HNRNPH3: variants seen among roughly 807,000 people sequenced by gnomAD.
HNRNPH3 encodes the protein heterogeneous nuclear ribonucleoprotein H3, also known as heterogeneous nuclear ribonucleoprotein 2H9.
HNRNPH3 carries 7 observed loss-of-function variants against 47.0 expected under a neutral mutation model. The observed-to-expected ratio is 0.15, with a 90% CI of 0.08 to 0.28. HNRNPH3 has a LOEUF of 0.28. Among genes scored for constraint, HNRNPH3 ranks in the 10% least tolerant of loss-of-function variants. The pLI, the probability that HNRNPH3 is intolerant of heterozygous loss-of-function variation, is 1.00. For synonymous variants in HNRNPH3, 120 were observed against 143.2 expected (o/e 0.84, Z 1.16); for missense variants, 279 against 449.6 (o/e 0.62, Z 3.43).
At chr10:68,341,021 C>CT (rs2045896457) in intron 6 of HNRNPH3, 153 bp from the exon 7 acceptor site, 2 of 567,440 alleles carry the variant, frequency 3.5e-6, no homozygotes, top group East Asian at 3.1e-5. Context: ...AGTGTATACT[C>CT]TGATATTCAC....
rs528054268 is a variant in HNRNPH3, at chr10:68,334,705, C to T, written c.-24+2489C>T. ...GTTTAGAAAATTATACTTAAAGTCT[C>T]ATAAAACTTGACCAAAGCTATCCTC... On this transcript the variant is annotated intron_variant, in intron 1 of 9. Transcript: ENST00000265866. Among the ~76,000 whole-genome samples the T allele has an allele frequency of 2.0e-5, 3 of 152,270 alleles. No individual in the cohort carries two copies. The East Asian group carries it at 5.8e-4, about 29-fold the overall frequency.
At position 68,337,218 on chromosome 10, in the gene HNRNPH3, T is replaced by C; in HGVS notation, c.-4T>C. 6.5e-7 allele frequency: 1 copy of C among 1,543,420 alleles called. No individual in the cohort carries two copies. Among genetic ancestry groups the C allele is most frequent in the Non-Finnish European group, 9.0e-7 (1 of 1,116,076 alleles). ...TTATAGCATTTAAATCAAACGGTATTGAGATGGATTGGGTTATGAAACATA... is the reference window on the plus strand; with the variant it reads ...TTATAGCATTTAAATCAAACGGTATCGAGATGGATTGGGTTATGAAACATA... On this transcript the variant is annotated 5_prime_UTR_variant, in exon 2 of 10. Transcript: ENST00000265866. This position sits in a 1 kb window ranked among gnomAD's most constrained non-coding sequence, Gnocchi z 4.5.
At chr10:68,339,844 A>G (rs529384349) in intron 6 of HNRNPH3, among the ~76,000 whole-genome samples, 3 of 151,896 alleles carry the variant, frequency 2.0e-5, no homozygotes, top group Non-Finnish European at 4.4e-5. Flanking sequence ...ACGCCTGGCT[A>G]ATTAGATCTA....
At chr10:68,340,302 A>G (rs1482869411) in intron 6 of HNRNPH3, among the ~76,000 whole-genome samples, 1 of 152,224 alleles carries the variant, frequency 6.6e-6, no homozygotes, top group Non-Finnish European at 1.5e-5. Flanking sequence ...TGCTGGGATT[A>G]CAGGCGTGAG....
chr10:68,333,658 A>G (rs2045353579), intron 1 of HNRNPH3, among the ~76,000 whole-genome samples: 1 of 152,166 alleles, frequency 6.6e-6, no homozygotes, highest in South Asian at 2.1e-4. Flanking sequence ...TGTGATTCGG[A>G]TGAGGGTCCT....
chr10:68,338,429 T>A, intron 3 of HNRNPH3, 74 bp from the exon 4 acceptor site: 5 of 858,448 alleles, frequency 5.8e-6, no homozygotes, highest in Non-Finnish European at 8.8e-6. Flanking sequence ...AAAAACTTAC[T>A]GCATTTTGCC....
intron 1 of HNRNPH3, among the ~76,000 whole-genome samples, chr10:68,335,154 C>G (rs563538819): frequency 4.5e-4 from 69 of 151,730 alleles, no homozygotes; most frequent in African/African-American, 1.5e-3. Flanking sequence ...CAGACTGATC[C>G]AAAAATCCAA....
Position 68,341,696 on chromosome 10 carries a change from A to T in HNRNPH3, c.871+16A>T, listed in dbSNP as rs752426687. The T allele has an allele frequency of 6.2e-7, 1 of 1,604,008 alleles. No homozygotes were observed. Among genetic ancestry groups the T allele is most frequent in the East Asian group, 2.2e-5 (1 of 44,842 alleles). ...GATGGAATGGGTATGTAAAGTTTTT[A>T]AAATATGCAGGGTTAGCTGCTTATC... On this transcript the variant is annotated intron_variant, in intron 8 of 9. Coordinates refer to ENST00000265866, the MANE Select transcript of HNRNPH3 (RefSeq NM_012207.3).
chr10:68,332,615 A>G (rs1480427325), intron 1 of HNRNPH3, among the ~76,000 whole-genome samples: 1 of 152,110 alleles, frequency 6.6e-6, no homozygotes, highest in Non-Finnish European at 1.5e-5. Context: ...GGGGGTGGTC[A>G]AAGCTCCCTG....
chr10:68,339,387 T>A, intron 5 of HNRNPH3, 53 bp from the exon 6 acceptor site: 1 of 1,526,644 alleles, frequency 6.6e-7, no homozygotes. Flanking sequence ...GTATGTATAC[T>A]TCCCTACTTG....
intron 4 of HNRNPH3, 99 bp from the exon 5 acceptor site, chr10:68,339,041 A>G (rs531149381): frequency 3.2e-6 from 3 of 928,560 alleles, no homozygotes; most frequent in Admixed American, 5.0e-5. Context: ...CTTGCAATCA[A>G]GTTACACAGA....
intron 6 of HNRNPH3, among the ~76,000 whole-genome samples, chr10:68,340,758 C>A (rs1281935104): frequency 6.6e-6 from 1 of 151,976 alleles, no homozygotes; most frequent in Non-Finnish European, 1.5e-5. Flanking sequence ...TTATTCAAAC[C>A]GCATAGTTCC....
rs372339442 is a variant in HNRNPH3 at position 68,342,393 on chromosome 10, A to G, written c.*339A>G. 2.0e-5 allele frequency: 4 copies of G among 196,850 alleles called. No homozygotes were observed. In the East Asian group the frequency reaches 4.2e-4, roughly 21 times the overall value. 12.2% of individuals were successfully genotyped at this position (196,850 alleles called of 1,614,324 possible). A position where few individuals can be genotyped will look rare whatever the true frequency, so the allele number is the denominator to read the frequency against. ...AAGTAGTGTGGTGTAATTTTAGAGG[A>G]TAATGGTTCACCTCTGCGTAAACTG... On this transcript the variant is annotated 3_prime_UTR_variant, in exon 10 of 10. Coordinates refer to ENST00000265866, the MANE Select transcript of HNRNPH3 (RefSeq NM_012207.3).
At chr10:68,338,233 A>T (rs1178943251) in intron 3 of HNRNPH3, 4 of 457,906 alleles carry the variant, frequency 8.7e-6, no homozygotes, top group African/African-American at 5.9e-5. Context: ...GCTTTTGTAT[A>T]ATCACCTATT....
chr10:68,337,850 G>A lies in HNRNPH3; in HGVS notation c.113-8G>A. 1 of 1,608,782 alleles carries A rather than the reference G, an allele frequency of 6.2e-7. No homozygotes were observed. Among genetic ancestry groups the A allele is most frequent in the Non-Finnish European group, 8.5e-7 (1 of 1,176,094 alleles). ...CCCTTGATGGGGTTATTTGTCCTTGGGTTAAAGGGTTGGAAATCGTGCCAA... is the reference window on the plus strand; with the variant it reads ...CCCTTGATGGGGTTATTTGTCCTTGAGTTAAAGGGTTGGAAATCGTGCCAA... On this transcript the variant is annotated splice_polypyrimidine_tract_variant and splice_region_variant and intron_variant, in intron 2 of 9. Coordinates refer to ENST00000265866, the MANE Select transcript of HNRNPH3 (RefSeq NM_012207.3). This position sits in a 1 kb window ranked among gnomAD's most constrained non-coding sequence, Gnocchi z 4.5.
At chr10:68,335,502 G>T (rs1247725247) in intron 1 of HNRNPH3, among the ~76,000 whole-genome samples, 1 of 151,664 alleles carries the variant, frequency 6.6e-6, no homozygotes, top group African/African-American at 2.4e-5. Context: ...ACTGGATTGG[G>T]GCCGCCTCCT....
At position 68,337,413 on chromosome 10, in the gene HNRNPH3, C is replaced by A; in HGVS notation, c.112+80C>A. 1 of 913,498 alleles carries A rather than the reference C, an allele frequency of 1.1e-6. No individual in the cohort carries two copies. 56.6% of individuals were successfully genotyped at this position (913,498 alleles called of 1,614,324 possible). On this transcript the variant is annotated intron_variant, in intron 2 of 9. Coordinates refer to ENST00000265866, the MANE Select transcript of HNRNPH3 (RefSeq NM_012207.3). This position sits in a 1 kb window ranked among gnomAD's most constrained non-coding sequence, Gnocchi z 4.5. ...TTTTACTGTTTTTAATTTGTAAAAC[C>A]CATTTGATTTTGGAACTTTTAAGTT...
At chr10:68,331,977 C>T (rs2045127493), upstream of HNRNPH3, 2 of 152,626 alleles carry the variant, frequency 1.3e-5, no homozygotes, top group East Asian at 1.9e-4. Flanking sequence ...AACCGACTTT[C>T]CCGTCTCGCG....
chr10:68,338,798 C>A, intron 4 of HNRNPH3, 111 bp downstream of exon 4: 2 of 848,108 alleles, frequency 2.4e-6, no homozygotes, highest in South Asian at 4.9e-5. Flanking sequence ...GGTTTTAAAA[C>A]CTGTTCATGA....
Sources: gnomAD v4.1 joint callset for allele counts (sites outside exome capture counted in the v4.1 genomes callset) on GRCh38, gnomAD v4.1.1 for gene constraint, Gnocchi (gnomAD v3.1) non-coding constraint, MANE v1.5 for transcripts, NCBI Gene and HGNC (gene_info 2026-07-23, HGNC 2026-07-21) for gene names.